Variants in ADGRV1 observed in about 807,000 individuals in gnomAD.
The protein encoded by ADGRV1 is G-protein coupled receptor 98.
In ADGRV1, 359 loss-of-function variants were observed where a neutral mutation model predicts 596.2. The ratio of observed to expected loss-of-function variants is 0.60; its 90% CI spans 0.55 to 0.66. The LOEUF (loss-of-function observed/expected upper bound fraction) is 0.66, where lower values mean the gene tolerates loss of function less well. ADGRV1 is among the 30% of genes least tolerant of loss of function. The pLI is 0.00. For missense variants in ADGRV1, 7,274 were observed against 7,575.6 expected (o/e 0.96, Z 1.48); for synonymous variants, 2,681 against 2,679.2 (o/e 1.00, Z -0.02).
intron 83 of ADGRV1, among the ~76,000 whole-genome samples, chr5:90,942,461 G>T (rs1430016603): frequency 6.6e-6 from 1 of 152,146 alleles, no homozygotes; most frequent in African/African-American, 2.4e-5. Context: ...AGTTTCTCAG[G>T]GTTAATAGTG....
In ADGRV1 at chr5:90,694,594, CA is replaced by C; in HGVS notation, c.7839del (p.Gly2615AlafsTer3). The C allele has an allele frequency of 1.2e-6, 2 of 1,613,840 alleles. No individual in the cohort carries two copies. The highest frequency in any genetic ancestry group is 1.7e-6 in the Non-Finnish European group (2 of 1,179,810). ...QTLVELMIHR[T>X]GGSLGQVAVE... ...TTGGTGGAGCTGATGATACACAGGA[CA>C]GGGGGCAGCTTAGGTCAAGTGGCAG... On this transcript the variant is annotated frameshift_variant, in exon 33 of 90. Coordinates refer to ENST00000405460, the MANE Select transcript of ADGRV1 (RefSeq NM_032119.4). LOFTEE classifies it high-confidence loss of function.
intron 86 of ADGRV1, among the ~76,000 whole-genome samples, chr5:91,082,832 G>T (rs1789519799): frequency 6.6e-6 from 1 of 151,900 alleles, no homozygotes. Flanking sequence ...TCCATTCTTG[G>T]TTTGCAACTT....
chr5:90,662,187 C>CTTTTTTTTTTTTTTT (rs5869513), intron 21 of ADGRV1, among the ~76,000 whole-genome samples: 1 of 130,868 alleles, frequency 7.6e-6, no homozygotes, highest in Non-Finnish European at 1.6e-5. Flanking sequence ...GGTTAAACAA[C>CTTTTTTTTTTTTTTT]TTTTTTTTTT....
chr5:90,862,983 G>T (rs1240510719), intron 82 of ADGRV1, among the ~76,000 whole-genome samples: 1 of 152,178 alleles, frequency 6.6e-6, no homozygotes, highest in African/African-American at 2.4e-5. Context: ...GGGTAAAAAT[G>T]CAAAGCACAT....
chr5:90,873,620 C>CA (rs1417841717), intron 83 of ADGRV1, among the ~76,000 whole-genome samples: 1 of 151,896 alleles, frequency 6.6e-6, no homozygotes, highest in Non-Finnish European at 1.5e-5. Context: ...GATTTCTTTA[C>CA]AAAAAATGCT....
At chr5:90,826,688 A>G (rs1392451314) in intron 76 of ADGRV1, among the ~76,000 whole-genome samples, 1 of 152,172 alleles carries the variant, frequency 6.6e-6, no homozygotes, top group African/African-American at 2.4e-5. Context: ...AACTACATCA[A>G]CACAAGTGGT....
chr5:90,973,079 T>C (rs1215345940), intron 84 of ADGRV1, among the ~76,000 whole-genome samples: 4 of 152,236 alleles, frequency 2.6e-5, no homozygotes, highest in African/African-American at 9.6e-5. Context: ...AACACCTCTA[T>C]GCAAATAAAC....
intron 1 of ADGRV1, among the ~76,000 whole-genome samples, chr5:90,613,876 G>A (rs1763015909): frequency 6.6e-6 from 1 of 152,076 alleles, no homozygotes; most frequent in Non-Finnish European, 1.5e-5. Flanking sequence ...CTTGGCCAAG[G>A]TAAAGATTAA....
intron 85 of ADGRV1, among the ~76,000 whole-genome samples, chr5:91,049,799 G>A (rs1194618722): frequency 6.6e-6 from 1 of 152,190 alleles, no homozygotes; most frequent in East Asian, 1.9e-4. Flanking sequence ...TTGTAAGCAA[G>A]AATGACAATA....
chr5:90,683,744 A>G lies in ADGRV1; in HGVS notation c.5823A>G (p.Pro1941=), dbSNP rs756271839. The G allele has an allele frequency of 1.9e-6, 3 of 1,613,900 alleles. No individual in the cohort carries two copies. Among genetic ancestry groups the G allele is most frequent in the South Asian group, 2.2e-5 (2 of 91,064 alleles). ...TGGAGATATTGCCTGACGAAGACCC[A>G]GAACTGGATAAGGCATTCTCTGTGT... is the stretch of plus-strand genomic sequence containing the variant. ...ITVEILPDED[P]ELDKAFSVSV... Residue 1941 remains proline (P), a synonymous_variant, in exon 28 of 90, where the codon CCA becomes CCG. Transcript: ENST00000405460.
chr5:91,003,464 T>TCACCA (rs1293137146), intron 85 of ADGRV1, among the ~76,000 whole-genome samples: 2 of 152,182 alleles, frequency 1.3e-5, no homozygotes, highest in African/African-American at 4.8e-5. Context: ...ATATTTTATA[T>TCACCA]GACTATCTGA....
intron 85 of ADGRV1, among the ~76,000 whole-genome samples, chr5:91,029,457 A>AT (rs1491343409): frequency 2.0e-5 from 3 of 152,198 alleles, no homozygotes; most frequent in African/African-American, 7.2e-5. Context: ...TTCCATATAC[A>AT]TATGTGCAAA....
At chr5:90,809,498 G>A (rs1268425306) in intron 73 of ADGRV1, among the ~76,000 whole-genome samples, 1 of 152,196 alleles carries the variant, frequency 6.6e-6, no homozygotes, top group Admixed American at 6.5e-5. Flanking sequence ...TCTGTGTGAG[G>A]TATTAACCAC....
chr5:90,783,791 A>T, intron 66 of ADGRV1, 47 bp from the exon 67 acceptor site: 1 of 1,378,604 alleles, frequency 7.3e-7, no homozygotes, highest in Non-Finnish European at 1.0e-6. Context: ...TTTTACAAGC[A>T]CTTTAATATG....
At chr5:90,592,928 C>T (rs1423950439) in intron 1 of ADGRV1, among the ~76,000 whole-genome samples, 5 of 152,076 alleles carry the variant, frequency 3.3e-5, no homozygotes, top group African/African-American at 1.2e-4. Context: ...GAATGGCGAT[C>T]ATTAAAAAGT....
chr5:91,154,007 A>G (rs1216176319), intron 89 of ADGRV1, among the ~76,000 whole-genome samples: 8 of 152,250 alleles, frequency 5.3e-5, no homozygotes, highest in African/African-American at 1.7e-4. Flanking sequence ...TAAGGGTCAC[A>G]CGCTCCTGGG....
intron 1 of ADGRV1, among the ~76,000 whole-genome samples, chr5:90,609,044 G>T (rs569555451): frequency 6.6e-4 from 101 of 152,258 alleles, no homozygotes; most frequent in Non-Finnish European, 1.2e-3. Context: ...CTACATGGAA[G>T]TCTGGTATTC....
At position 90,753,787 on chromosome 5, in the gene ADGRV1, T is replaced by A. The variant is rs769094780; in HGVS notation, c.11335T>A (p.Trp3779Arg). The change falls in exon 54 of 90, where the codon TGG (tryptophan) becomes AGG (arginine). Residue 3779 changes from tryptophan (W) to arginine (R), a missense_variant. Physicochemically the swap from Trp to Arg is moderately radical, Grantham distance 101. This residue lies in a region of ADGRV1 where 3,643 missense variants were observed against 3,809.2 expected (regional missense o/e 0.96). Coordinates refer to ENST00000405460, the MANE Select transcript of ADGRV1 (RefSeq NM_032119.4). ...TGACTCACCTTTTGGCTTGGTGGGC[T>A]GGCGTGCTGCGTCTGTCTTCATTAG... ...PNDSPFGLVGWRAASVFIRVA... is the reference protein window; with the variant it reads ...PNDSPFGLVGRRAASVFIRVA... The A allele has an allele frequency of 6.2e-7, 1 of 1,612,168 alleles. No individual in the cohort carries two copies. The highest frequency in any genetic ancestry group is 2.2e-5 in the East Asian group (1 of 44,832).
At position 90,674,153 on chromosome 5, in the gene ADGRV1, T is replaced by G. The variant is rs1460856829; in HGVS notation, c.5029T>G (p.Ser1677Ala). 1.9e-5 allele frequency: 30 copies of G among 1,613,200 alleles called. No individual in the cohort carries two copies. The highest frequency in any genetic ancestry group is 2.5e-5 in the Non-Finnish European group (30 of 1,179,462). ...AATTCCTGGAGATGGGAAGCTAGGC[T>G]CAACTCCTACCAGTGGTGCAAGCAT... ...SAIPGDGKLG[S>A]TPTSGASIDP... Residue 1677 changes from serine to alanine, a missense_variant, in exon 23 of 90, where the codon TCA becomes GCA. Around this residue, in one of 5 missense-constraint regions of ADGRV1, gnomAD observed 3,643 missense variants for 3,809.2 expected, o/e 0.96. Coordinates refer to ENST00000405460, the MANE Select transcript of ADGRV1 (RefSeq NM_032119.4).
Sources: gnomAD v4.1 joint callset for allele counts (sites outside exome capture counted in the v4.1 genomes callset) on GRCh38, gnomAD v4.1.1 for gene constraint, gnomAD v4.1.1 regional missense constraint, MANE v1.5 for transcripts, NCBI Gene and HGNC (gene_info 2026-07-23, HGNC 2026-07-21) for gene names.